The following ASCC3 variants were observed in gnomAD, a reference collection of about 807,000 sequenced individuals.
ASCC3 encodes ASC-1 complex subunit P200.
In ASCC3, 158 loss-of-function variants were observed where a neutral mutation model predicts 256.3. The ratio of observed to expected loss-of-function variants is 0.62; its 90% confidence interval spans 0.54 to 0.70. The LOEUF is 0.70. Among genes scored for constraint, ASCC3 ranks in the 30% least tolerant of loss-of-function variants. ASCC3 has a pLI of 0.00. For missense variants in ASCC3, 2,259 were observed against 2,626.0 expected, an observed-to-expected ratio of 0.86 and a Z score of 3.05; for synonymous variants, 948 against 883.4, an observed-to-expected ratio of 1.07 and a Z score of -1.30.
chr6:100,845,028 A>G (rs572852439), intron 4 of ASCC3, among the ~76,000 whole-genome samples: 1 of 152,300 alleles, frequency 6.6e-6, no homozygotes, highest in Non-Finnish European at 1.5e-5. Context: ...TCTAAAAGGA[A>G]AAGATCTTGT....
chr6:100,769,762 T>A (rs1331798529), intron 8 of ASCC3, among the ~76,000 whole-genome samples: 1 of 151,770 alleles, frequency 6.6e-6, no homozygotes, highest in Non-Finnish European at 1.5e-5. Flanking sequence ...AAAAGTGGCA[T>A]CACTAGAGAT....
chr6:100,627,513 AC>A (rs764237355), intron 29 of ASCC3, 76 bp downstream of exon 29: 22 of 1,584,386 alleles, frequency 1.4e-5, no homozygotes, highest in Non-Finnish European at 1.7e-5. Context: ...TTTCAAAGAA[AC>A]CAACACCAAT....
At chr6:100,563,555 T>C (rs536606939) in intron 36 of ASCC3, among the ~76,000 whole-genome samples, 65 of 152,230 alleles carry the variant, frequency 4.3e-4, no homozygotes, top group South Asian at 1.9e-3. Context: ...GTCCTGGCTG[T>C]GGTGGGGAAG....
intron 30 of ASCC3, among the ~76,000 whole-genome samples, chr6:100,608,759 A>T (rs1418870313): frequency 1.2e-4 from 6 of 50,654 alleles, no homozygotes; most frequent in African/African-American, 4.9e-4. Flanking sequence ...ATATATATAT[A>T]TATATATATA....
intron 40 of ASCC3, among the ~76,000 whole-genome samples, chr6:100,511,340 C>G (rs1390365642): frequency 1.2e-4 from 19 of 152,130 alleles, no homozygotes; most frequent in Admixed American, 1.2e-3. Context: ...ATTGCTTAAA[C>G]CCGGGAGGCG....
chr6:100,843,179 A>G (rs1169703437), intron 4 of ASCC3, among the ~76,000 whole-genome samples: 1 of 152,198 alleles, frequency 6.6e-6, no homozygotes, highest in Non-Finnish European at 1.5e-5. Flanking sequence ...TATTAAAGCA[A>G]GCTAATTATT....
intron 37 of ASCC3, chr6:100,530,807 G>T: frequency 8.6e-7 from 1 of 1,160,388 alleles, no homozygotes; most frequent in Non-Finnish European, 1.3e-6. Context: ...ATCTAGAAAT[G>T]GCCATTGCCT....
chr6:100,840,852 A>T (rs913081164), intron 4 of ASCC3, among the ~76,000 whole-genome samples: 3 of 152,036 alleles, frequency 2.0e-5, no homozygotes, highest in Admixed American at 6.6e-5. Context: ...AAATTTTCTA[A>T]AATTATGGAT....
intron 30 of ASCC3, among the ~76,000 whole-genome samples, chr6:100,616,416 T>C (rs573317696): frequency 6.6e-6 from 1 of 152,222 alleles, no homozygotes; most frequent in Non-Finnish European, 1.5e-5. Context: ...TAAATTCACT[T>C]TGAAGCACCA....
At chr6:100,586,558 T>C (rs149936409) in intron 36 of ASCC3, among the ~76,000 whole-genome samples, 2,344 of 152,272 alleles carry the variant, frequency 0.015, 25 homozygotes, top group East Asian at 0.045. Context: ...TGCCTCGCCC[T>C]GCTTTGGCTC....
chr6:100,786,128 C>G (rs1179485185), intron 8 of ASCC3, among the ~76,000 whole-genome samples: 1 of 152,096 alleles, frequency 6.6e-6, no homozygotes, highest in Non-Finnish European at 1.5e-5. Context: ...TTGGGCTGCA[C>G]AATCATAACA....
intron 24 of ASCC3, among the ~76,000 whole-genome samples, chr6:100,640,480 A>C (rs1775069959): frequency 1.3e-5 from 2 of 152,324 alleles, no homozygotes; most frequent in South Asian, 4.1e-4. Flanking sequence ...AGGGTGATAC[A>C]TTCTTGGTCA....
chr6:100,593,146 A>G (rs981873109), intron 34 of ASCC3, among the ~76,000 whole-genome samples: 1 of 152,114 alleles, frequency 6.6e-6, no homozygotes, highest in Admixed American at 6.6e-5. Context: ...TGAGTTGTTT[A>G]ATGATTCTAA....
intron 37 of ASCC3, among the ~76,000 whole-genome samples, chr6:100,539,425 T>C (rs1426373207): frequency 1.3e-5 from 2 of 152,210 alleles, no homozygotes; most frequent in Non-Finnish European, 2.9e-5. Flanking sequence ...ATGTTGATTG[T>C]AAAAGAAGAT....
chr6:100,587,776 A>G (rs1771780400), intron 36 of ASCC3, among the ~76,000 whole-genome samples: 1 of 152,212 alleles, frequency 6.6e-6, no homozygotes, highest in African/African-American at 2.4e-5. Flanking sequence ...GGTTTTATAT[A>G]GTGTAATGCC....
intron 4 of ASCC3, among the ~76,000 whole-genome samples, chr6:100,844,966 A>G (rs1772319743): frequency 3.3e-5 from 5 of 152,148 alleles, no homozygotes; most frequent in Admixed American, 3.3e-4. Flanking sequence ...TTTATCTTTA[A>G]CAGGATCTAA....
chr6:100,553,704 A>C, intron 36 of ASCC3, among the ~76,000 whole-genome samples: 1 of 152,108 alleles, frequency 6.6e-6, no homozygotes, highest in East Asian at 1.9e-4. Context: ...GCAAAAGAAA[A>C]AAATAGAATA....
intron 38 of ASCC3, 128 bp downstream of exon 38, chr6:100,517,863 G>T: frequency 9.3e-7 from 1 of 1,070,002 alleles, no homozygotes; most frequent in Non-Finnish European, 1.4e-6. Flanking sequence ...CTCACTCTGG[G>T]AAACAGGAGT....
chr6:100,828,414 G>A (rs1771437697), intron 4 of ASCC3, among the ~76,000 whole-genome samples: 1 of 152,138 alleles, frequency 6.6e-6, no homozygotes, highest in Admixed American at 6.5e-5. Flanking sequence ...TCTGAAAACT[G>A]CAGAATATCA....
Sources: allele counts gnomAD v4.1 joint callset (sites outside exome capture counted in the v4.1 genomes callset), GRCh38; gene constraint gnomAD v4.1.1; transcripts MANE v1.5; gene names NCBI Gene and HGNC (gene_info 2026-07-23, HGNC 2026-07-21).